POLE: variants seen among roughly 807,000 people sequenced by gnomAD.
POLE encodes DNA polymerase epsilon, catalytic subunit, also known as DNA polymerase epsilon catalytic subunit A.
In POLE, 188 loss-of-function variants were observed where a neutral mutation model predicts 279.2. That is an observed-to-expected ratio of 0.67 (90% CI 0.60 to 0.76). POLE has a LOEUF of 0.76. POLE is among the 30% of genes least tolerant of loss of function. The probability of loss-of-function intolerance (pLI) is 0.00; values close to 1 mark genes in which losing one functional copy is unlikely to be tolerated. For synonymous variants in POLE, 1,214 were observed against 1,172.5 expected (o/e 1.04, Z -0.72); for missense variants, 2,703 against 3,016.7 (o/e 0.90, Z 2.44).
intron 32 of POLE, among the ~76,000 whole-genome samples, chr12:132,644,297 G>A (rs1430728636): frequency 6.6e-6 from 1 of 150,902 alleles, no homozygotes; most frequent in Non-Finnish European, 1.5e-5. Flanking sequence ...GAGTAGCTGG[G>A]ACAAGGAACA....
chr12:132,687,030 G>A (rs1593098265), intron 1 of POLE, among the ~76,000 whole-genome samples: 1 of 151,302 alleles, frequency 6.6e-6, no homozygotes, highest in East Asian at 1.9e-4. Context: ...AGGCCGCGCG[G>A]CCCGCCTCGT....
chr12:132,648,345 GA>G (rs1355107393), intron 32 of POLE, among the ~76,000 whole-genome samples: 2 of 150,990 alleles, frequency 1.3e-5, no homozygotes, highest in Non-Finnish European at 3.0e-5. Context: ...ATGGGGGGGT[GA>G]GGGGAGGGGG....
chr12:132,646,601 GTGGA>G (rs1460024060), intron 32 of POLE, among the ~76,000 whole-genome samples: 1 of 151,646 alleles, frequency 6.6e-6, no homozygotes, highest in Non-Finnish European at 1.5e-5. Flanking sequence ...GGAGGCCGAG[GTGGA>G]TGGATTACCT....
intron 39 of POLE, among the ~76,000 whole-genome samples, chr12:132,640,142 C>T (rs1402702842): frequency 6.6e-6 from 1 of 152,204 alleles, no homozygotes; most frequent in Non-Finnish European, 1.5e-5. Flanking sequence ...CATGCCTACA[C>T]CCCATTCCCT....
At chr12:132,681,114 G>T (rs2136033227) in intron 2 of POLE, 24 bp downstream of exon 2, 1 of 1,613,312 alleles carries the variant, frequency 6.2e-7, no homozygotes, top group Non-Finnish European at 8.5e-7. Flanking sequence ...ATATTCCTGG[G>T]TGGGAGAAGG....
At chr12:132,646,968 G>A (rs1481665903) in intron 32 of POLE, among the ~76,000 whole-genome samples, 3 of 152,082 alleles carry the variant, frequency 2.0e-5, no homozygotes, top group African/African-American at 7.2e-5. Flanking sequence ...CAAATTGCTG[G>A]GATTACAGAT....
At chr12:132,641,473 C>A (rs2042139730) in intron 39 of POLE, 174 bp downstream of exon 39, 2 of 621,606 alleles carry the variant, frequency 3.2e-6, no homozygotes, top group Non-Finnish European at 5.7e-6. Context: ...AGGCCGGACC[C>A]CCACAGTGGT....
At chr12:132,632,857 G>C (rs75221467) in intron 43 of POLE, 62 bp from the exon 44 acceptor site, 1 of 1,523,796 alleles carries the variant, frequency 6.6e-7, no homozygotes, top group East Asian at 2.3e-5. Context: ...CCTAGAATCT[G>C]AGGGGACCCA....
chr12:132,625,720 G>A lies in POLE; in HGVS notation c.6582C>T (p.Tyr2194=), dbSNP rs1183000482. The change falls in exon 47 of 49, where the codon TAC becomes TAT. Residue 2194 remains tyrosine (Y), a synonymous_variant. Coordinates refer to ENST00000320574, the MANE Select transcript of POLE (RefSeq NM_006231.4). ...QWLCSNCQAP[Y]DSSAIEMTLV... ...GCGTCATCTCGATGGCAGAGGAGTC[G>A]TAGGGCGCCTGACAGTTGGAGCAGA... 3.7e-6 allele frequency: 6 copies of A among 1,613,354 alleles called. No individual in the cohort carries two copies. In the South Asian group the frequency reaches 4.4e-5, roughly 12 times the overall value.
At chr12:132,629,513 C>G (rs2041895266) in intron 45 of POLE, among the ~76,000 whole-genome samples, 1 of 152,194 alleles carries the variant, frequency 6.6e-6, no homozygotes, top group Non-Finnish European at 1.5e-5. Context: ...CTCATTTGCC[C>G]TTTTATGTTA....
chr12:132,673,176 C>T lies in POLE; in HGVS notation c.1461G>A (p.Met487Ile), dbSNP rs1367501021. The T allele has an allele frequency of 6.2e-7, 1 of 1,608,480 alleles. No individual in the cohort carries two copies. The highest frequency in any genetic ancestry group is 1.3e-5 in the African/African-American group (1 of 74,810). ...AGATAATGCTCACCTCGTCGGGCTC[C>T]ATGGGAATAATGGTGCACAGAGCAA... The part of the protein sequence containing the change: ...FIFALCTIIP[M>I]EPDEVLRKGS... The change falls in exon 14 of 49, where the codon ATG (methionine) becomes ATA (isoleucine). Residue 487 changes from methionine (M) to isoleucine (I), a missense_variant. Around this residue, in one of 5 missense-constraint regions of POLE, gnomAD observed 1,011 missense variants for 1,111.7 expected, o/e 0.91. Transcript: ENST00000320574.
chr12:132,647,996 T>C (rs1299192646), intron 32 of POLE, among the ~76,000 whole-genome samples: 2 of 152,088 alleles, frequency 1.3e-5, no homozygotes, highest in African/African-American at 4.8e-5. Flanking sequence ...TAGGTACAAA[T>C]ATGCACACCT....
chr12:132,670,981 G>A (rs971146568), intron 16 of POLE, among the ~76,000 whole-genome samples: 1 of 152,128 alleles, frequency 6.6e-6, no homozygotes, highest in East Asian at 1.9e-4. Flanking sequence ...TGTTTCTTGA[G>A]GGCAGGCACA....
Position 132,673,709 on chromosome 12 carries a change from T to A in POLE, c.1227-2A>T, listed in dbSNP as rs1057517609. On this transcript the variant is annotated splice_acceptor_variant, in intron 12 of 48. Coordinates refer to ENST00000320574, the MANE Select transcript of POLE (RefSeq NM_006231.4). LOFTEE classifies it high-confidence loss of function. ...AGGTAACTGTCCCTCTTCACCCACC[T>A]GGAAGGAGAATGAGAACAGAAGCCA... The A allele has an allele frequency of 6.2e-7, 1 of 1,613,484 alleles. No homozygotes were observed. Among genetic ancestry groups the A allele is most frequent in the African/African-American group, 1.3e-5 (1 of 75,018 alleles).
In POLE at chr12:132,659,275, G is replaced by A. The variant is rs750497857; in HGVS notation, c.3275+20C>T. 1.4e-5 allele frequency: 23 copies of A among 1,610,468 alleles called. No homozygotes were observed. The highest frequency in any genetic ancestry group is 2.2e-5 in the South Asian group (2 of 90,834). On this transcript the variant is annotated intron_variant, in intron 26 of 48. Coordinates refer to ENST00000320574, the MANE Select transcript of POLE (RefSeq NM_006231.4). The stretch of plus-strand genomic sequence containing the variant: ...TGATGGGAGGAGCCCTCACCTCTCC[G>A]TGATGGGGGGAGCCCTCACCTCTCC...
chr12:132,638,292 A>T, intron 40 of POLE, 153 bp from the exon 41 acceptor site: 3 of 505,912 alleles, frequency 5.9e-6, no homozygotes, highest in Non-Finnish European at 9.5e-6. Context: ...AAGAGCAAAG[A>T]TTTCTGCATG....
At position 132,639,397 on chromosome 12, in the gene POLE, G is replaced by A. The variant is rs773645374; in HGVS notation, c.5379-99C>T. 11 of 1,156,448 alleles carry A rather than the reference G, an allele frequency of 9.5e-6. No homozygotes were observed. The highest frequency in any genetic ancestry group is 6.1e-5 in the Admixed American group (3 of 49,272). 71.6% of individuals were successfully genotyped at this position (1,156,448 alleles called of 1,614,324 possible). A position where few individuals can be genotyped will look rare whatever the true frequency, so the allele number is the denominator to read the frequency against. ...AAATGGGCACAGGTTTTCCCTACAC[G>A]GCTGGGTCCAAATCCGTCACTGTCG... On this transcript the variant is annotated intron_variant, in intron 39 of 48. Coordinates refer to ENST00000320574, the MANE Select transcript of POLE (RefSeq NM_006231.4). The surrounding 1 kb of genome is among the most constrained non-coding windows in gnomAD (Gnocchi z 4.7).
At chr12:132,625,844 G>T in intron 46 of POLE, 74 bp from the exon 47 acceptor site, 1 of 1,560,034 alleles carries the variant, frequency 6.4e-7, no homozygotes, top group East Asian at 2.2e-5. Context: ...GATCTCAGGA[G>T]AGGAAGGGGC....
Position 132,665,359 on chromosome 12 carries a change from A to C in POLE, c.2411T>G (p.Leu804Arg), listed in dbSNP as rs201668507. 2.5e-6 allele frequency: 4 copies of C among 1,614,028 alleles called. No homozygotes were observed. The highest frequency in any genetic ancestry group is 3.4e-6 in the Non-Finnish European group (4 of 1,180,020). ...CKNMEVLYDS[L>R]QLAHKCILNS... ...CAGGATGCACTTGTGGGCCAGCTGC[A>C]GCGAGTCATACAGCACCTCCATGTT... The change falls in exon 21 of 49, where the codon CTG (leucine) becomes CGG (arginine). Residue 804 changes from leucine (L) to arginine (R), a missense_variant. Transcript: ENST00000320574.
Sources: allele counts gnomAD v4.1 joint callset (sites outside exome capture counted in the v4.1 genomes callset), GRCh38; gene constraint gnomAD v4.1.1; regional missense constraint gnomAD v4.1.1; non-coding constraint Gnocchi (gnomAD v3.1); transcripts MANE v1.5; gene names NCBI Gene and HGNC (gene_info 2026-07-23, HGNC 2026-07-21).